Variants in FRMD4B observed in about 807,000 individuals in gnomAD.
FRMD4B encodes FERM domain-containing protein 4B.
In FRMD4B, 74 loss-of-function variants were observed where a neutral mutation model predicts 141.5. The observed-to-expected ratio is 0.52, with a 90% confidence interval of 0.43 to 0.63. FRMD4B has a LOEUF of 0.63. Ranked by LOEUF, FRMD4B falls within the 30% of genes least tolerant of loss-of-function variation. The pLI, the probability that FRMD4B is intolerant of heterozygous loss-of-function variation, is 0.00. For missense variants in FRMD4B, 1,366 were observed against 1,253.4 expected (o/e 1.09, Z -1.36); for synonymous variants, 506 against 467.9 (o/e 1.08, Z -1.05).
At chr3:69,513,840 T>C (rs1016379512) in intron 1 of FRMD4B, among the ~76,000 whole-genome samples, 1 of 151,910 alleles carries the variant, frequency 6.6e-6, no homozygotes, top group Non-Finnish European at 1.5e-5. Context: ...AAAAAGTACA[T>C]GAAAAGATTA....
chr3:69,258,306 A>C (rs2093505232), intron 5 of FRMD4B, among the ~76,000 whole-genome samples: 2 of 152,196 alleles, frequency 1.3e-5, no homozygotes, highest in Non-Finnish European at 2.9e-5. Context: ...AGGTACATAC[A>C]ATAAAATGCA....
intron 1 of FRMD4B, among the ~76,000 whole-genome samples, chr3:69,500,418 C>T (rs978183267): frequency 6.6e-6 from 1 of 152,140 alleles, no homozygotes; most frequent in African/African-American, 2.4e-5. Context: ...GTGGGTCATC[C>T]TTATTCCTTG....
intron 5 of FRMD4B, among the ~76,000 whole-genome samples, chr3:69,268,919 T>C (rs933409513): frequency 3.1e-4 from 47 of 151,632 alleles, no homozygotes; most frequent in African/African-American, 1.0e-3. Context: ...GTACTTCTTA[T>C]AGATGAGAAT....
Position 69,182,622 on chromosome 3 carries a change from T to A in FRMD4B, c.2015A>T (p.Asn672Ile), listed in dbSNP as rs1575585884. The A allele has an allele frequency of 6.2e-7, 1 of 1,612,248 alleles. No homozygotes were observed. Among genetic ancestry groups the A allele is most frequent in the East Asian group, 2.2e-5 (1 of 44,848 alleles). ...SMPTTPVLTR[N>I]AYSSSHLEPE... ...CTCCAAGTGGCTGCTGCTGTAGGCG[T>A]TTCGGGTAAGAACTGGCGTGGTGGG... The change falls in exon 20 of 23, where the codon AAC (asparagine) becomes ATC (isoleucine). Residue 672 changes from asparagine (N) to isoleucine (I), a missense_variant. By Grantham distance (149) the Asn-to-Ile change is moderately radical. Transcript: ENST00000398540.
At chr3:69,321,225 G>A (rs576210898) in intron 1 of FRMD4B, among the ~76,000 whole-genome samples, 41 of 152,212 alleles carry the variant, frequency 2.7e-4, no homozygotes, top group Admixed American at 6.5e-4. Context: ...TCATAACAAC[G>A]GGGTCGTCTT....
chr3:69,173,098 A>C (rs1309095189), intron 22 of FRMD4B, among the ~76,000 whole-genome samples: 7 of 152,248 alleles, frequency 4.6e-5, no homozygotes, highest in African/African-American at 1.4e-4. Flanking sequence ...TTCTGGAGAC[A>C]CAACCATTCT....
chr3:69,532,337 C>T (rs938100895), intron 1 of FRMD4B, among the ~76,000 whole-genome samples: 2 of 152,174 alleles, frequency 1.3e-5, no homozygotes, highest in African/African-American at 4.8e-5. Flanking sequence ...TCCACTGATA[C>T]ACTTCCACTG....
chr3:69,196,442 C>A, intron 13 of FRMD4B, 46 bp from the exon 14 acceptor site: 1 of 1,418,600 alleles, frequency 7.0e-7, no homozygotes, highest in Non-Finnish European at 9.8e-7. Context: ...AAACATACTT[C>A]AAATTAATGA....
intron 1 of FRMD4B, among the ~76,000 whole-genome samples, chr3:69,507,119 A>G (rs1706609528): frequency 6.6e-6 from 1 of 152,186 alleles, no homozygotes. Context: ...TGGAACACCA[A>G]TTAGCCTTTA....
In FRMD4B at chr3:69,305,168, C is replaced by T. The variant is rs532994090; in HGVS notation, c.324-2733G>A. 2.0e-5 allele frequency among the ~76,000 whole-genome samples: 3 copies of T among 152,240 alleles called. 1 individual carries two copies. Among genetic ancestry groups the T allele is most frequent in the Admixed American group, 6.5e-5 (1 of 15,288 alleles). On this transcript the variant is annotated intron_variant, in intron 3 of 22. Coordinates refer to ENST00000398540, the MANE Select transcript of FRMD4B (RefSeq NM_015123.3). ...CCCAGTGGACTTGTATATAAAAGTACCCGGGACTTTCAGTACTGGAGAAAA... is the reference window on the plus strand; with the variant it reads ...CCCAGTGGACTTGTATATAAAAGTATCCGGGACTTTCAGTACTGGAGAAAA...
rs567416190 is a variant in FRMD4B, at chr3:69,487,423, G to T, written c.-128-54662C>A. On this transcript the variant is annotated intron_variant, in intron 1 of 5. Transcript: ENST00000459638. ...TTTATTTCATAGGCAAGGAAGATTT[G>T]GGGGTCTAGAGATTGGGTTTTCCAA... Among the ~76,000 whole-genome samples, 9 of 152,264 alleles carry T rather than the reference G, an allele frequency of 5.9e-5. No individual in the cohort carries two copies. The East Asian group carries it at 1.3e-3, about 23-fold the overall frequency.
chr3:69,345,443 C>G (rs1702902967), intron 1 of FRMD4B, among the ~76,000 whole-genome samples: 1 of 152,218 alleles, frequency 6.6e-6, no homozygotes, highest in Non-Finnish European at 1.5e-5. Context: ...CAGCAGAAAC[C>G]TCTACAGACT....
chr3:69,501,057 C>G (rs1256535216), intron 1 of FRMD4B, among the ~76,000 whole-genome samples: 1 of 152,006 alleles, frequency 6.6e-6, no homozygotes, highest in Middle Eastern at 3.2e-3. Flanking sequence ...GGTGATATAT[C>G]CTATCAGTAA....
intron 2 of FRMD4B, among the ~76,000 whole-genome samples, chr3:69,427,657 T>TTTTTTTTTG (rs1705108553): frequency 7.9e-6 from 1 of 126,164 alleles, no homozygotes; most frequent in East Asian, 2.4e-4. Flanking sequence ...TTTTTTTTTT[T>TTTTTTTTTG]TTTTTTTTTT....
intron 1 of FRMD4B, among the ~76,000 whole-genome samples, chr3:69,375,113 C>G (rs1237509479): frequency 6.8e-6 from 1 of 146,192 alleles, no homozygotes; most frequent in Non-Finnish European, 1.5e-5. Flanking sequence ...ACCTACCATT[C>G]ATCCATCCAA....
In FRMD4B at chr3:69,405,418, A is replaced by G. The variant is rs112706371; in HGVS notation, c.-1+27216T>C. ...CCACTGTGGCCAGGGTGGAGGACATAGCGGTTTGTGTAGTGACTGGCTTAG... is the reference window on the plus strand; with the variant it reads ...CCACTGTGGCCAGGGTGGAGGACATGGCGGTTTGTGTAGTGACTGGCTTAG... On this transcript the variant is annotated intron_variant, in intron 2 of 5. Transcript: ENST00000459638. 1.1e-3 allele frequency among the ~76,000 whole-genome samples: 170 copies of G among 152,304 alleles called. 1 individual carries two copies. The highest frequency in any genetic ancestry group is 1.8e-4 in the Non-Finnish European group (12 of 68,022).
chr3:69,496,612 TGAGAGA>T (rs142597397), intron 1 of FRMD4B, among the ~76,000 whole-genome samples: 13 of 88,202 alleles, frequency 1.5e-4, no homozygotes, highest in Non-Finnish European at 2.2e-4. Flanking sequence ...AGAGAGAGAG[TGAGAGA>T]GAGAGAGAGA....
chr3:69,319,525 C>G (rs903245623), intron 1 of FRMD4B, among the ~76,000 whole-genome samples: 3 of 152,260 alleles, frequency 2.0e-5, no homozygotes, highest in East Asian at 3.9e-4. Context: ...TTCTCCAGAG[C>G]TGCTGTAGGG....
intron 1 of FRMD4B, among the ~76,000 whole-genome samples, chr3:69,537,706 A>T (rs1279766448): frequency 6.6e-6 from 1 of 152,234 alleles, no homozygotes. Context: ...AGTGACAGCT[A>T]AGGTTTTCCT....
Sources: allele counts gnomAD v4.1 joint callset (sites outside exome capture counted in the v4.1 genomes callset), GRCh38; gene constraint gnomAD v4.1.1; transcripts MANE v1.5; gene names NCBI Gene and HGNC (gene_info 2026-07-23, HGNC 2026-07-21).